The following ATRNL1 variants were observed in gnomAD, a reference collection of about 807,000 sequenced individuals.
ATRNL1 encodes attractin like 1.
Under a neutral mutation model 182.7 loss-of-function variants are expected in ATRNL1, and 95 were observed. That is an observed-to-expected ratio of 0.52 (90% CI 0.44 to 0.62). The LOEUF (loss-of-function observed/expected upper bound fraction) is 0.62, where lower values mean the gene tolerates loss of function less well. ATRNL1 is among the 20% of genes least tolerant of loss of function. The pLI is 0.00. For missense variants in ATRNL1, 1,471 were observed against 1,679.5 expected, an observed-to-expected ratio of 0.88 and a Z score of 2.17; for synonymous variants, 576 against 568.3, an observed-to-expected ratio of 1.01 and a Z score of -0.19.
At chr10:115,884,030 C>T (rs546604329) in intron 28 of ATRNL1, among the ~76,000 whole-genome samples, 1 of 152,310 alleles carries the variant, frequency 6.6e-6, no homozygotes, top group Admixed American at 6.5e-5. Context: ...TAGATATGGG[C>T]TTCTGTGGCA....
chr10:115,357,613 C>T (rs1856559038), intron 19 of ATRNL1, among the ~76,000 whole-genome samples: 1 of 151,590 alleles, frequency 6.6e-6, no homozygotes, highest in South Asian at 2.1e-4. Context: ...GGACATGGAT[C>T]CAAATATTTA....
At chr10:115,384,597 C>T (rs2134243194) in intron 19 of ATRNL1, among the ~76,000 whole-genome samples, 1 of 152,044 alleles carries the variant, frequency 6.6e-6, no homozygotes, top group East Asian at 1.9e-4. Flanking sequence ...TTCATATACA[C>T]TTAAATTTGA....
intron 26 of ATRNL1, among the ~76,000 whole-genome samples, chr10:115,561,260 A>G (rs983744886): frequency 2.0e-5 from 3 of 152,214 alleles, no homozygotes; most frequent in Non-Finnish European, 4.4e-5. Flanking sequence ...AGATATTTGT[A>G]TCTACATATG....
intron 26 of ATRNL1, among the ~76,000 whole-genome samples, chr10:115,573,781 A>G (rs1376649166): frequency 6.6e-6 from 1 of 152,196 alleles, no homozygotes; most frequent in Non-Finnish European, 1.5e-5. Context: ...AAGAATATGT[A>G]GCCCTTTGCT....
intron 1 of ATRNL1, among the ~76,000 whole-genome samples, chr10:115,113,059 G>A (rs567629174): frequency 1.3e-5 from 2 of 152,162 alleles, no homozygotes; most frequent in Non-Finnish European, 2.9e-5. Context: ...TGAAGACAAA[G>A]CACAATCAAA....
At chr10:115,407,434 T>A (rs569973934) in intron 20 of ATRNL1, among the ~76,000 whole-genome samples, 4 of 152,238 alleles carry the variant, frequency 2.6e-5, no homozygotes, top group African/African-American at 9.6e-5. Context: ...TTTACTTCTA[T>A]GAGATCAACT....
chr10:115,586,307 C>G (rs1170517083), intron 26 of ATRNL1, among the ~76,000 whole-genome samples: 1 of 70,282 alleles, frequency 1.4e-5, no homozygotes, highest in African/African-American at 3.6e-5. Context: ...GCCTGCCTTG[C>G]TAGATTGGGG....
chr10:115,385,927 G>C (rs1554952510), intron 19 of ATRNL1, among the ~76,000 whole-genome samples: 1 of 151,992 alleles, frequency 6.6e-6, no homozygotes, highest in African/African-American at 2.4e-5. Flanking sequence ...ACTCTCTTTG[G>C]CCTAATGTCA....
intron 19 of ATRNL1, among the ~76,000 whole-genome samples, chr10:115,363,758 C>T (rs1554945017): frequency 6.6e-6 from 1 of 150,890 alleles, no homozygotes; most frequent in African/African-American, 2.4e-5. Context: ...TTTCCCAGAA[C>T]CATTTAGTAA....
chr10:115,766,019 T>A (rs561763733), intron 27 of ATRNL1, among the ~76,000 whole-genome samples: 7 of 152,252 alleles, frequency 4.6e-5, no homozygotes, highest in African/African-American at 1.7e-4. Flanking sequence ...TCTAACATAC[T>A]ATGTATTTTC....
At chr10:115,737,692 C>G (rs1555066394) in intron 27 of ATRNL1, among the ~76,000 whole-genome samples, 3 of 152,138 alleles carry the variant, frequency 2.0e-5, no homozygotes, top group Non-Finnish European at 4.4e-5. Context: ...AGCATAGAAA[C>G]AGTCAAGCCA....
At chr10:115,539,186 TTTTG>T (rs1852210847) in intron 25 of ATRNL1, among the ~76,000 whole-genome samples, 1 of 152,234 alleles carries the variant, frequency 6.6e-6, no homozygotes. Flanking sequence ...TTCAGTTATT[TTTTG>T]TTTATGTTGA....
In ATRNL1 at chr10:115,626,505, C is replaced by G. The variant is rs558013259; in HGVS notation, c.3795+76969C>G. On this transcript the variant is annotated intron_variant, in intron 26 of 28. Transcript: ENST00000355044. ...TGGTTCATGTTGGGTATATTTGATTCTGTTACAGTAAGTTAATACCATAGA... is the reference window on the plus strand; with the variant it reads ...TGGTTCATGTTGGGTATATTTGATTGTGTTACAGTAAGTTAATACCATAGA... Among the ~76,000 whole-genome samples the G allele has an allele frequency of 1.2e-3, 186 of 152,194 alleles. 1 individual carries two copies. The highest frequency in any genetic ancestry group is 4.3e-3 in the African/African-American group (178 of 41,538).
chr10:115,899,485 T>G (rs1555113219), intron 28 of ATRNL1, among the ~76,000 whole-genome samples: 1 of 152,054 alleles, frequency 6.6e-6, no homozygotes, highest in African/African-American at 2.4e-5. Flanking sequence ...ATTTTGTATT[T>G]TTAGTAGAGA....
In ATRNL1 at chr10:115,591,150, C is replaced by T. The variant is rs554262210; in HGVS notation, c.3795+41614C>T. Among the ~76,000 whole-genome samples the T allele has an allele frequency of 3.3e-5, 5 of 152,314 alleles. No individual in the cohort carries two copies. In the East Asian group the frequency reaches 9.7e-4, roughly 29 times the overall value. On this transcript the variant is annotated intron_variant, in intron 26 of 28. Coordinates refer to ENST00000355044, the MANE Select transcript of ATRNL1 (RefSeq NM_207303.4). ...GTATACACACTAACATGTGAGTACA[C>T]ATACACAAAAATGCACACACACATA...
intron 5 of ATRNL1, among the ~76,000 whole-genome samples, chr10:115,134,647 T>C (rs1009787589): frequency 1.4e-4 from 21 of 152,256 alleles, no homozygotes; most frequent in Admixed American, 1.2e-3. Flanking sequence ...ACTATTTCAA[T>C]CAATAGAAAA....
chr10:115,506,700 C>A (rs1854245), intron 24 of ATRNL1, among the ~76,000 whole-genome samples: 58,611 of 151,812 alleles, frequency 0.39, 12,367 homozygotes, highest in Middle Eastern at 0.49. Flanking sequence ...TAGATCTCGA[C>A]CAAATTTTGG....
chr10:115,637,005 A>G (rs533809176), intron 26 of ATRNL1, among the ~76,000 whole-genome samples: 1 of 152,342 alleles, frequency 6.6e-6, no homozygotes, highest in African/African-American at 2.4e-5. Context: ...AGAACCCCCA[A>G]GTAAATTCAT....
At chr10:115,266,275 T>C (rs894106190) in intron 11 of ATRNL1, among the ~76,000 whole-genome samples, 30 of 151,758 alleles carry the variant, frequency 2.0e-4, no homozygotes, top group Non-Finnish European at 3.5e-4. Context: ...ATTTTACTCT[T>C]AGTTTTCTTA....
Sources: allele counts gnomAD v4.1 joint callset (sites outside exome capture counted in the v4.1 genomes callset), GRCh38; gene constraint gnomAD v4.1.1; transcripts MANE v1.5; gene names NCBI Gene and HGNC (gene_info 2026-07-23, HGNC 2026-07-21).